Variants in SOX6 observed in about 807,000 individuals in gnomAD.
SOX6 encodes the protein transcription factor SOX-6.
A neutral mutation model predicts 97.8 loss-of-function variants in SOX6; 11 were observed. The observed-to-expected ratio is 0.11, with a 90% CI of 0.07 to 0.19. The LOEUF (loss-of-function observed/expected upper bound fraction) is 0.19. SOX6 is among the 10% of genes least tolerant of loss of function. The probability of loss-of-function intolerance (pLI) is 1.00; values close to 1 mark genes in which losing one functional copy is unlikely to be tolerated. For missense variants in SOX6, 810 were observed against 1,039.5 expected, an observed-to-expected ratio of 0.78 and a Z score of 3.04; for synonymous variants, 360 against 371.4, an observed-to-expected ratio of 0.97 and a Z score of 0.35.
At chr11:16,632,652 C>T (rs2133996842) in intron 3 of SOX6, among the ~76,000 whole-genome samples, 1 of 152,314 alleles carries the variant, frequency 6.6e-6, no homozygotes, top group Non-Finnish European at 1.5e-5. Context: ...GAGGGAGAAT[C>T]GAATAGGTGA....
At chr11:16,723,215 T>G (rs948958291) in intron 2 of SOX6, among the ~76,000 whole-genome samples, 7 of 152,114 alleles carry the variant, frequency 4.6e-5, no homozygotes, top group Non-Finnish European at 8.8e-5. Flanking sequence ...CTTAGCAAAC[T>G]AACGCAGCAA....
At chr11:15,999,347 C>T (rs79988619) in intron 13 of SOX6, among the ~76,000 whole-genome samples, 2,682 of 152,156 alleles carry the variant, frequency 0.018, 78 homozygotes, top group African/African-American at 0.061. Context: ...TGCATATTTA[C>T]TTATGACCCA....
intron 3 of SOX6, among the ~76,000 whole-genome samples, chr11:16,265,253 C>T (rs1404524054): frequency 6.6e-6 from 1 of 151,802 alleles, no homozygotes; most frequent in Admixed American, 6.6e-5. Flanking sequence ...TTAGAGAGAC[C>T]CATCCCAGCT....
chr11:16,251,405 T>C (rs182854531), intron 3 of SOX6, among the ~76,000 whole-genome samples: 1 of 152,182 alleles, frequency 6.6e-6, no homozygotes, highest in Admixed American at 6.5e-5. Context: ...AAAACATTAT[T>C]TATATCAATA....
intron 6 of SOX6, among the ~76,000 whole-genome samples, chr11:16,174,690 T>C (rs1424995477): frequency 6.6e-6 from 1 of 151,934 alleles, no homozygotes; most frequent in Admixed American, 6.6e-5. Context: ...GCTAGGCAAA[T>C]GCTTGACTTA....
At chr11:16,694,113 C>G (rs1848035404) in intron 3 of SOX6, among the ~76,000 whole-genome samples, 1 of 152,196 alleles carries the variant, frequency 6.6e-6, no homozygotes, top group African/African-American at 2.4e-5. Flanking sequence ...AACCATTAAT[C>G]TATCCCTAAC....
intron 3 of SOX6, among the ~76,000 whole-genome samples, chr11:16,236,176 C>T (rs10500829): frequency 0.39 from 59,643 of 151,718 alleles, 12,480 homozygotes; most frequent in East Asian, 0.48. Context: ...TACTACTGTG[C>T]TTCAAAATTG....
chr11:15,985,293 C>T (rs914585623), intron 15 of SOX6, among the ~76,000 whole-genome samples: 1 of 152,124 alleles, frequency 6.6e-6, no homozygotes, highest in Non-Finnish European at 1.5e-5. Context: ...TCTTAGTTTC[C>T]TGGCACAGCA....
At chr11:16,609,585 A>G (rs1848373609) in intron 4 of SOX6, among the ~76,000 whole-genome samples, 1 of 152,256 alleles carries the variant, frequency 6.6e-6, no homozygotes, top group Non-Finnish European at 1.5e-5. Context: ...AGAAAGTCTC[A>G]TCTCTATTAC....
chr11:16,471,504 C>T (rs547414033), intron 1 of SOX6, among the ~76,000 whole-genome samples: 1 of 152,306 alleles, frequency 6.6e-6, no homozygotes, highest in South Asian at 2.1e-4. Context: ...TGAGGTATAA[C>T]TTTCTGCCTT....
intron 13 of SOX6, 147 bp downstream of exon 13, chr11:16,014,795 C>A: frequency 1.4e-6 from 1 of 734,588 alleles, no homozygotes; most frequent in East Asian, 2.7e-5. Flanking sequence ...TACATACATA[C>A]GTAGTTGAAG....
chr11:16,737,244 T>C (rs907922105), intron 1 of SOX6, among the ~76,000 whole-genome samples: 2 of 152,228 alleles, frequency 1.3e-5, no homozygotes, highest in African/African-American at 4.8e-5. Flanking sequence ...TCTCGTTCTG[T>C]CACCCAGGCT....
chr11:16,615,005 C>T (rs1848453932), intron 3 of SOX6, among the ~76,000 whole-genome samples: 1 of 151,962 alleles, frequency 6.6e-6, no homozygotes, highest in Non-Finnish European at 1.5e-5. Flanking sequence ...TAATGGACAA[C>T]AAGAAATGTC....
intron 12 of SOX6, among the ~76,000 whole-genome samples, chr11:16,044,564 G>A (rs1855770438): frequency 6.6e-6 from 1 of 152,100 alleles, no homozygotes; most frequent in Non-Finnish European, 1.5e-5. Flanking sequence ...TTGATTATAA[G>A]AAAGCCAAAG....
chr11:16,547,777 A>C (rs1847638582), intron 4 of SOX6, among the ~76,000 whole-genome samples: 1 of 152,102 alleles, frequency 6.6e-6, no homozygotes, highest in African/African-American at 2.4e-5. Context: ...AGAAGAAAGG[A>C]TTGAAATGTT....
chr11:16,025,119 G>A (rs1426814836), intron 12 of SOX6, among the ~76,000 whole-genome samples: 1 of 152,058 alleles, frequency 6.6e-6, no homozygotes, highest in East Asian at 1.9e-4. Context: ...TCATTCATAT[G>A]GTTTTAATAT....
intron 4 of SOX6, among the ~76,000 whole-genome samples, chr11:16,503,578 G>A (rs1334082833): frequency 6.6e-6 from 1 of 152,154 alleles, no homozygotes; most frequent in Non-Finnish European, 1.5e-5. Flanking sequence ...CAGAGCGACT[G>A]AAAGTAAAGG....
intron 2 of SOX6, among the ~76,000 whole-genome samples, chr11:16,333,610 AG>A (rs1422863710): frequency 6.6e-6 from 1 of 152,110 alleles, no homozygotes; most frequent in East Asian, 1.9e-4. Context: ...TAAAAAAAAA[AG>A]CTACATTCAA....
intron 1 of SOX6, among the ~76,000 whole-genome samples, chr11:16,464,719 G>C (rs546441543): frequency 6.6e-6 from 1 of 152,212 alleles, no homozygotes; most frequent in Non-Finnish European, 1.5e-5. Context: ...CAATATCAGA[G>C]TGTAATACAT....
Sources: gnomAD v4.1 joint callset for allele counts (sites outside exome capture counted in the v4.1 genomes callset) on GRCh38, gnomAD v4.1.1 for gene constraint, MANE v1.5 for transcripts, NCBI Gene and HGNC (gene_info 2026-07-23, HGNC 2026-07-21) for gene names.